The following PSMB1 variants were observed in gnomAD, a reference collection of about 807,000 sequenced individuals.
PSMB1 encodes proteasome 20S subunit beta 1.
In PSMB1, 7 loss-of-function variants were observed where a neutral mutation model predicts 25.4. That is an observed-to-expected ratio of 0.28 (90% CI 0.16 to 0.52). PSMB1 has a LOEUF of 0.52. Among genes scored for constraint, PSMB1 ranks in the 20% least tolerant of loss-of-function variants. The pLI, the probability that PSMB1 is intolerant of heterozygous loss-of-function variation, is 0.97. For missense variants in PSMB1, 284 were observed against 302.2 expected (o/e 0.94, Z 0.45); for synonymous variants, 119 against 115.0 (o/e 1.03, Z -0.22).
intron 4 of PSMB1, among the ~76,000 whole-genome samples, chr6:170,540,074 TA>T (rs139732446): frequency 0.089 from 13,612 of 152,196 alleles, 862 homozygotes; most frequent in African/African-American, 0.17. Context: ...AAGCCACTTT[TA>T]ATTTGGGAGA....
At chr6:170,551,765 C>G (rs370184522) in intron 1 of PSMB1, among the ~76,000 whole-genome samples, 1 of 152,224 alleles carries the variant, frequency 6.6e-6, no homozygotes, top group Admixed American at 6.5e-5. Context: ...CACACCAGCT[C>G]TCTGACCCTG....
At chr6:170,545,820 A>G (rs1248072830) in intron 3 of PSMB1, among the ~76,000 whole-genome samples, 2 of 152,136 alleles carry the variant, frequency 1.3e-5, no homozygotes, top group Non-Finnish European at 2.9e-5. Flanking sequence ...TTGAGGGAAG[A>G]GTATCTTCAG....
At chr6:170,542,389 T>A (rs936934933) in intron 4 of PSMB1, among the ~76,000 whole-genome samples, 1 of 152,154 alleles carries the variant, frequency 6.6e-6, no homozygotes, top group Non-Finnish European at 1.5e-5. Flanking sequence ...CCCAGTCCCC[T>A]TGCTTTCTTT....
intron 2 of PSMB1, among the ~76,000 whole-genome samples, chr6:170,548,265 C>T (rs771363238): frequency 6.6e-5 from 10 of 152,222 alleles, no homozygotes; most frequent in Non-Finnish European, 1.5e-4. Context: ...TCGTAAGTCC[C>T]ATTCCTATTA....
In PSMB1 at chr6:170,553,272, T is replaced by TA. The variant is rs751331565; in HGVS notation, c.-31_-30insT. ...CGGCTGCGCCTGCGGATCCGACACT[T>TA]GCTGTCTCACGGCGAGATGGCTGCC... is the stretch of plus-strand genomic sequence containing the variant. On this transcript the variant is annotated 5_prime_UTR_variant, in exon 1 of 6. Transcript: ENST00000262193. 2 of 1,544,790 alleles carry TA rather than the reference T, an allele frequency of 1.3e-6. No homozygotes were observed. Among genetic ancestry groups the TA allele is most frequent in the Non-Finnish European group, 1.8e-6 (2 of 1,125,834 alleles).
At chr6:170,548,271 T>C (rs1006139789) in intron 2 of PSMB1, among the ~76,000 whole-genome samples, 7 of 152,250 alleles carry the variant, frequency 4.6e-5, no homozygotes, top group African/African-American at 1.7e-4. Context: ...GTCCCATTCC[T>C]ATTACAATTC....
intron 1 of PSMB1, among the ~76,000 whole-genome samples, chr6:170,552,063 A>G (rs1270258088): frequency 6.6e-6 from 1 of 152,214 alleles, no homozygotes; most frequent in African/African-American, 2.4e-5. Flanking sequence ...GAACCAATTA[A>G]CATTTTTGCT....
intron 4 of PSMB1, among the ~76,000 whole-genome samples, chr6:170,540,910 T>C (rs1045659497): frequency 6.6e-6 from 1 of 151,614 alleles, no homozygotes; most frequent in Non-Finnish European, 1.5e-5. Context: ...ATCCAGGTGG[T>C]TGTGGAGAAG....
At chr6:170,536,698 A>G (rs1464788387) in intron 5 of PSMB1, among the ~76,000 whole-genome samples, 2 of 152,256 alleles carry the variant, frequency 1.3e-5, no homozygotes, top group African/African-American at 4.8e-5. Context: ...ATACATATGT[A>G]AAATACGTGA....
Position 170,535,355 on chromosome 6 carries a change from G to A in PSMB1, c.591C>T (p.Asp197=), listed in dbSNP as rs368587742. 6 of 1,614,150 alleles carry A rather than the reference G, an allele frequency of 3.7e-6. No individual in the cohort carries two copies. The highest frequency in any genetic ancestry group is 5.1e-6 in the Non-Finnish European group (6 of 1,180,020). ...CATCTTTCACCAGCCGCATGGCTCTGTCCAAGGACAGCGGAACATGCTCCA... is the reference window on the plus strand; with the variant it reads ...CATCTTTCACCAGCCGCATGGCTCTATCCAAGGACAGCGGAACATGCTCCA... ...QNVEHVPLSL[D]RAMRLVKDVF... is the part of the protein sequence containing the mutation. The change falls in exon 6 of 6, where the codon GAC becomes GAT. Residue 197 remains aspartate, a synonymous_variant. Transcript: ENST00000262193.
At chr6:170,536,596 A>C in intron 5 of PSMB1, 1 of 415,214 alleles carries the variant, frequency 2.4e-6, no homozygotes, top group Non-Finnish European at 4.8e-6. Flanking sequence ...GTATCAACAA[A>C]TACAGTATTG....
chr6:170,552,593 T>G (rs754355936), intron 1 of PSMB1, among the ~76,000 whole-genome samples: 1 of 151,856 alleles, frequency 6.6e-6, no homozygotes. Flanking sequence ...TAAAACAAAA[T>G]GATTAAACTG....
At chr6:170,545,624 T>C (rs1778808053) in intron 3 of PSMB1, among the ~76,000 whole-genome samples, 1 of 152,230 alleles carries the variant, frequency 6.6e-6, no homozygotes, top group African/African-American at 2.4e-5. Context: ...TAATGGTGCA[T>C]GTTGTGCCTC....
At chr6:170,548,045 A>G (rs565032428) in intron 2 of PSMB1, among the ~76,000 whole-genome samples, 1 of 152,294 alleles carries the variant, frequency 6.6e-6, no homozygotes, top group Non-Finnish European at 1.5e-5. Context: ...CCTTGAGGAG[A>G]AAAAAAGGTA....
At chr6:170,552,754 G>C (rs753052948) in intron 1 of PSMB1, among the ~76,000 whole-genome samples, 2 of 152,222 alleles carry the variant, frequency 1.3e-5, no homozygotes, top group African/African-American at 4.8e-5. Context: ...TAAGAAACGT[G>C]TACATGAGGT....
chr6:170,551,614 T>C (rs1778903241), intron 1 of PSMB1, among the ~76,000 whole-genome samples: 3 of 152,180 alleles, frequency 2.0e-5, no homozygotes, highest in Non-Finnish European at 2.9e-5. Flanking sequence ...TTATAGAGAA[T>C]AGCCTTACGA....
In PSMB1 at chr6:170,552,304, T is replaced by C. The variant is rs141811712; in HGVS notation, c.113+826A>G. Reference sequence around the variant, plus strand: ...AGGCTTGATTGGTAACTATAACCACTGTTTCAATTTACAGCTCTTCCCTGT... The same window carrying C: ...AGGCTTGATTGGTAACTATAACCACCGTTTCAATTTACAGCTCTTCCCTGT... On this transcript the variant is annotated intron_variant, in intron 1 of 5. Transcript: ENST00000262193. Among the ~76,000 whole-genome samples the C allele has an allele frequency of 2.8e-3, 421 of 152,328 alleles. 5 individuals carry two copies. Among genetic ancestry groups the C allele is most frequent in the African/African-American group, 9.3e-3 (388 of 41,566 alleles).
chr6:170,535,568 T>C (rs923304731), intron 5 of PSMB1, among the ~76,000 whole-genome samples, 163 bp from the exon 6 acceptor site: 1 of 152,196 alleles, frequency 6.6e-6, no homozygotes, highest in African/African-American at 2.4e-5. Flanking sequence ...CAGACCTGGA[T>C]GAATTACACA....
chr6:170,549,251 T>C (rs1054226061), intron 1 of PSMB1, 138 bp from the exon 2 acceptor site: 111 of 511,764 alleles, frequency 2.2e-4, no homozygotes, highest in Non-Finnish European at 2.4e-5. Flanking sequence ...AGAGGAAAGA[T>C]GAGCGGGAAG....
Sources: gnomAD v4.1 joint callset for allele counts (sites outside exome capture counted in the v4.1 genomes callset) on GRCh38, gnomAD v4.1.1 for gene constraint, MANE v1.5 for transcripts, NCBI Gene and HGNC (gene_info 2026-07-23, HGNC 2026-07-21) for gene names.